Variants in SLC30A8 observed in about 807,000 individuals in gnomAD.
The protein encoded by SLC30A8 is proton-coupled zinc antiporter SLC30A8.
SLC30A8 carries 27 observed loss-of-function variants against 36.9 expected under a neutral mutation model. The ratio of observed to expected loss-of-function variants is 0.73; its 90% CI spans 0.54 to 1.01. The LOEUF (loss-of-function observed/expected upper bound fraction) is 1.01. Among genes scored for constraint, SLC30A8 ranks in the 50% least tolerant of loss-of-function variants. The pLI is 0.00. For synonymous variants in SLC30A8, 164 were observed against 172.4 expected, an observed-to-expected ratio of 0.95 and a Z score of 0.38; for missense variants, 439 against 452.0, an observed-to-expected ratio of 0.97 and a Z score of 0.26.
At chr8:117,153,118 G>T (rs1822279181) in intron 3 of SLC30A8, 28 bp downstream of exon 3, 5 of 1,518,552 alleles carry the variant, frequency 3.3e-6, no homozygotes, top group Non-Finnish European at 3.6e-6. Context: ...AGCAATAACA[G>T]CAGGCTGGTG....
intron 2 of SLC30A8, among the ~76,000 whole-genome samples, chr8:117,085,143 C>T (rs1405433184): frequency 6.6e-6 from 1 of 152,084 alleles, no homozygotes; most frequent in Non-Finnish European, 1.5e-5. Flanking sequence ...TAAGAAAAAA[C>T]TATAACTTCT....
At chr8:117,025,336 T>C (rs1356788383) in intron 1 of SLC30A8, among the ~76,000 whole-genome samples, 9 of 152,234 alleles carry the variant, frequency 5.9e-5, no homozygotes, top group African/African-American at 1.9e-4. Flanking sequence ...CTCAGAACTT[T>C]TATGCATTTT....
At chr8:116,998,333 G>C (rs1420382491) in intron 1 of SLC30A8, among the ~76,000 whole-genome samples, 1 of 152,170 alleles carries the variant, frequency 6.6e-6, no homozygotes, top group East Asian at 1.9e-4. Flanking sequence ...GCTTCTTCAA[G>C]AAGCAGAGGG....
chr8:116,971,084 A>C (rs1814780209), intron 1 of SLC30A8, among the ~76,000 whole-genome samples: 1 of 152,092 alleles, frequency 6.6e-6, no homozygotes, highest in Non-Finnish European at 1.5e-5. Flanking sequence ...GAAGAGTGAG[A>C]CTCTGTCTCA....
chr8:117,021,755 T>A (rs1816702170), intron 1 of SLC30A8, among the ~76,000 whole-genome samples: 1 of 152,142 alleles, frequency 6.6e-6, no homozygotes. Context: ...TATCAAGACA[T>A]GTATTATACA....
Position 117,147,078 on chromosome 8 carries a change from G to A in SLC30A8, c.196G>A (p.Glu66Lys), listed in dbSNP as rs200895741. ...GSKPTEKGANEYAYAKWKLCS... is the reference protein window; with the variant it reads ...GSKPTEKGANKYAYAKWKLCS... Reference sequence around the variant, plus strand: ...CAAGCCCACAGAAAAGGGGGCGAATGAGTACGCCTATGCCAAGTGGAAACT... The same window carrying A: ...CAAGCCCACAGAAAAGGGGGCGAATAAGTACGCCTATGCCAAGTGGAAACT... Residue 66 changes from glutamate to lysine, a missense_variant, in exon 2 of 8, where the codon GAG becomes AAG. Glu to Lys is a moderately conservative substitution (Grantham distance 56, BLOSUM62 1). Transcript: ENST00000456015. The A allele has an allele frequency of 3.7e-6, 6 of 1,614,132 alleles. No individual in the cohort carries two copies. In the African/African-American group the frequency reaches 8.0e-5, roughly 22 times the overall value.
chr8:116,979,272 A>G (rs1447915534), intron 1 of SLC30A8, among the ~76,000 whole-genome samples: 1 of 151,794 alleles, frequency 6.6e-6, no homozygotes, highest in African/African-American at 2.4e-5. Flanking sequence ...AAAGAAAACA[A>G]ATCATAAAGA....
chr8:117,042,888 C>G (rs1197716011), intron 2 of SLC30A8, among the ~76,000 whole-genome samples: 1 of 152,130 alleles, frequency 6.6e-6, no homozygotes, highest in Non-Finnish European at 1.5e-5. Context: ...GTTGGGCAGG[C>G]CGGTCTCGAA....
At chr8:117,102,259 T>C (rs1301118748) in intron 2 of SLC30A8, among the ~76,000 whole-genome samples, 1 of 152,190 alleles carries the variant, frequency 6.6e-6, no homozygotes, top group Non-Finnish European at 1.5e-5. Context: ...AGTGGTTCTC[T>C]GCTTCAATTC....
At chr8:116,974,562 A>T (rs1026448457) in intron 1 of SLC30A8, among the ~76,000 whole-genome samples, 1 of 152,234 alleles carries the variant, frequency 6.6e-6, no homozygotes, top group Non-Finnish European at 1.5e-5. Flanking sequence ...GATGTGGAGA[A>T]ATAGGAACAT....
chr8:117,089,131 C>T (rs1460917633), intron 2 of SLC30A8, among the ~76,000 whole-genome samples: 2 of 152,144 alleles, frequency 1.3e-5, no homozygotes, highest in Non-Finnish European at 2.9e-5. Flanking sequence ...TTCATTTGCT[C>T]CACTGTATTT....
At chr8:117,128,460 C>G (rs1821001526) in intron 2 of SLC30A8, 1 of 151,972 alleles carries the variant, frequency 6.6e-6, no homozygotes, top group Non-Finnish European at 1.5e-5. Context: ...TGTGCGCACG[C>G]ACGCGTCTGT....
chr8:117,025,965 C>T (rs73701654), intron 1 of SLC30A8, among the ~76,000 whole-genome samples: 2,569 of 152,220 alleles, frequency 0.017, 67 homozygotes, highest in African/African-American at 0.057. Context: ...TGAGCCAATG[C>T]GAATATTTCC....
rs1407065287 is a variant in SLC30A8 at position 117,042,942 on chromosome 8, C to T, written c.-226+3684C>T. Among the ~76,000 whole-genome samples the T allele has an allele frequency of 2.6e-5, 4 of 152,308 alleles. No homozygotes were observed. The South Asian group carries it at 6.2e-4, about 24-fold the overall frequency. ...CCGCTGGCCTTGGCTTCCCAAAGTGCTGGGATTACAGGCGTGAGCCACCGC... is the reference window on the plus strand; with the variant it reads ...CCGCTGGCCTTGGCTTCCCAAAGTGTTGGGATTACAGGCGTGAGCCACCGC... On this transcript the variant is annotated intron_variant, in intron 2 of 10. Transcript: ENST00000427715.
intron 1 of SLC30A8, among the ~76,000 whole-genome samples, chr8:117,016,484 C>A (rs1156534379): frequency 6.6e-6 from 1 of 152,142 alleles, no homozygotes; most frequent in Non-Finnish European, 1.5e-5. Flanking sequence ...GGCTGAGGTG[C>A]CAAATAAATA....
chr8:117,085,374 C>G (rs2130818278), intron 2 of SLC30A8, among the ~76,000 whole-genome samples: 1 of 152,254 alleles, frequency 6.6e-6, no homozygotes, highest in Non-Finnish European at 1.5e-5. Context: ...ATTGGTCTCT[C>G]TATAATGAAT....
intron 2 of SLC30A8, among the ~76,000 whole-genome samples, chr8:117,102,639 C>T (rs926219201): frequency 4.6e-5 from 7 of 152,156 alleles, no homozygotes; most frequent in African/African-American, 1.7e-4. Context: ...TTCTTCTTTG[C>T]TTCTTCTAGT....
chr8:117,055,848 G>GA (rs1403062244), intron 2 of SLC30A8: 2 of 152,002 alleles, frequency 1.3e-5, no homozygotes, highest in Non-Finnish European at 2.9e-5. Context: ...CTGGAGTCAA[G>GA]AAAAAGAGCA....
chr8:116,952,680 C>T (rs1586318738), intron 1 of SLC30A8, among the ~76,000 whole-genome samples: 1 of 152,210 alleles, frequency 6.6e-6, no homozygotes, highest in East Asian at 1.9e-4. Flanking sequence ...TGGTTTTGAA[C>T]TCCTAACATC....
Sources: allele counts gnomAD v4.1 joint callset (sites outside exome capture counted in the v4.1 genomes callset), GRCh38; gene constraint gnomAD v4.1.1; transcripts MANE v1.5; gene names NCBI Gene and HGNC (gene_info 2026-07-23, HGNC 2026-07-21).